F8: variants seen among roughly 807,000 people sequenced by gnomAD.
F8 encodes coagulation factor VIII.
Under a neutral mutation model 140.6 loss-of-function variants are expected in F8, and 12 were observed. That is an observed-to-expected ratio of 0.09 (90% confidence interval 0.05 to 0.14). F8 has a LOEUF of 0.14. F8 is among the 10% of genes least tolerant of loss of function. The pLI is 1.00. For synonymous variants in F8, 585 were observed against 614.6 expected (o/e 0.95, Z 0.71); for missense variants, 1,354 against 1,720.7 (o/e 0.79, Z 3.77).
At chrX:154,843,599 A>G (rs2072539908) in intron 25 of F8, among the ~76,000 whole-genome samples, 1 of 112,274 alleles carries the variant, frequency 8.9e-6, no homozygotes, top group Non-Finnish European at 1.9e-5. Flanking sequence ...TCTTCTTTTG[A>G]GAAGTGTCTG....
chrX:154,872,646 A>G (rs1329550204), intron 22 of F8, among the ~76,000 whole-genome samples: 1 of 111,477 alleles, frequency 9.0e-6, no homozygotes, highest in African/African-American at 3.3e-5. Flanking sequence ...GTGTATACCT[A>G]TGTAACAAAA....
At chrX:155,001,626 T>C (rs2073647096) in intron 1 of F8, among the ~76,000 whole-genome samples, 1 of 111,506 alleles carries the variant, frequency 9.0e-6, no homozygotes, top group Admixed American at 9.4e-5. Flanking sequence ...TAGCATTAAA[T>C]ATTCTGGCCA....
intron 14 of F8, among the ~76,000 whole-genome samples, chrX:154,927,488 T>A (rs2073167236): frequency 1.8e-5 from 2 of 111,620 alleles, no homozygotes; most frequent in Admixed American, 9.5e-5. Flanking sequence ...GCAGGCAGAG[T>A]ATATGGGTAC....
rs1557270874 is a variant in F8 at position 154,836,384 on chromosome X, T to A, written c.*1213A>T. ...GGCAGATGGAAGGAGCAGTAAACCC[T>A]TCACAATCTTATGGGGGTGGAGGGC... is the stretch of plus-strand genomic sequence containing the variant. On this transcript the variant is annotated 3_prime_UTR_variant, in exon 26 of 26. Coordinates refer to ENST00000360256, the MANE Select transcript of F8 (RefSeq NM_000132.4). 1 of 111,266 alleles carries A rather than the reference T, an allele frequency of 9.0e-6. No individual in the cohort carries two copies. Among genetic ancestry groups the A allele is most frequent in the Non-Finnish European group, 1.9e-5 (1 of 53,071 alleles). 9.2% of individuals were successfully genotyped at this position (111,266 alleles called of 1,213,427 possible).
chrX:155,012,330 G>A (rs2073709812), intron 1 of F8, among the ~76,000 whole-genome samples: 1 of 111,525 alleles, frequency 9.0e-6, no homozygotes, highest in Admixed American at 9.5e-5. Context: ...CTTTTTTTGA[G>A]ACAGAGCCTT....
rs184910888 is a variant in F8, at chrX:154,971,251, T to G, written c.788-1699A>C. ...CAATATTGCTTAATTATATCGCCAG[T>G]CTAATTCCCATTCTTTTGTATGCGT... On this transcript the variant is annotated intron_variant, in intron 6 of 25. Transcript: ENST00000360256. 2.5e-3 allele frequency among the ~76,000 whole-genome samples: 276 copies of G among 112,157 alleles called. 1 individual carries two copies. Among genetic ancestry groups the G allele is most frequent in the African/African-American group, 8.7e-3 (268 of 30,943 alleles).
intron 1 of F8, among the ~76,000 whole-genome samples, chrX:155,012,002 T>C (rs1310875158): frequency 1.8e-5 from 2 of 111,977 alleles, no homozygotes; most frequent in African/African-American, 6.5e-5. Flanking sequence ...GGAAGAAAAT[T>C]AGAAGTGACT....
chrX:154,850,671 G>A (rs4898398), intron 25 of F8, among the ~76,000 whole-genome samples: 12,963 of 109,877 alleles, frequency 0.12, 698 homozygotes, highest in South Asian at 0.35. Context: ...ATATCTTCAT[G>A]TGGTCGTCCC....
chrX:155,016,002 C>T (rs1473163709), intron 1 of F8, among the ~76,000 whole-genome samples: 2 of 111,685 alleles, frequency 1.8e-5, no homozygotes, highest in Admixed American at 9.4e-5. Flanking sequence ...TTTGGGAGGC[C>T]GAGGCGGGTG....
chrX:154,923,008 T>C (rs1182995078), intron 14 of F8, among the ~76,000 whole-genome samples: 1 of 111,565 alleles, frequency 9.0e-6, no homozygotes, highest in Admixed American at 9.5e-5. Context: ...AGGCTTTGTA[T>C]CAACTCTCAT....
At chrX:154,870,690 T>G (rs2072767447) in intron 22 of F8, among the ~76,000 whole-genome samples, 1 of 111,774 alleles carries the variant, frequency 8.9e-6, no homozygotes, top group Admixed American at 9.5e-5. Context: ...TTGGAAGTTC[T>G]GGCCAGGGCA....
At position 154,930,084 on chromosome X, in the gene F8, C is replaced by T; in HGVS notation, c.3706G>A (p.Val1236Met). ...ENVVLPQIHTVTGTKNFMKNL... is the reference protein window; with the variant it reads ...ENVVLPQIHTMTGTKNFMKNL... ...TTCATGAAATTCTTAGTGCCAGTCACTGTATGTATCTGAGGCAAAACTACA... is the reference window on the plus strand; with the variant it reads ...TTCATGAAATTCTTAGTGCCAGTCATTGTATGTATCTGAGGCAAAACTACA... The change falls in exon 14 of 26, where the codon GTG (valine) becomes ATG (methionine). Residue 1236 changes from valine to methionine, a missense_variant. Coordinates refer to ENST00000360256, the MANE Select transcript of F8 (RefSeq NM_000132.4). 1 of 1,210,797 alleles carries T rather than the reference C, an allele frequency of 8.3e-7. No individual in the cohort carries two copies. The highest frequency in any genetic ancestry group is 1.1e-6 in the Non-Finnish European group (1 of 895,128).
In F8 at chrX:154,992,732, C is replaced by T. The variant is rs139962104; in HGVS notation, c.601+204G>A. 2.8e-3 allele frequency among the ~76,000 whole-genome samples: 317 copies of T among 112,505 alleles called. 1 individual carries two copies. Among genetic ancestry groups the T allele is most frequent in the African/African-American group, 9.9e-3 (306 of 31,006 alleles). ...ATTCTGGAACTCAGCTCCTCCTGAT[C>T]CCAGCTTAGAGTTTATTGTGGTTAT... is the stretch of plus-strand genomic sequence containing the variant. On this transcript the variant is annotated intron_variant, in intron 4 of 25. Transcript: ENST00000360256.
intron 2 of F8, among the ~76,000 whole-genome samples, chrX:154,998,800 CT>C (rs1312462954): frequency 8.9e-6 from 1 of 111,819 alleles, no homozygotes; most frequent in Non-Finnish European, 1.9e-5. Flanking sequence ...CCCACTCCCC[CT>C]GCTATTCCAT....
rs137852463 is a variant in F8 at position 154,863,139 on chromosome X, G to C, written c.6518C>G (p.Thr2173Ser). The C allele has an allele frequency of 8.3e-7, 1 of 1,208,886 alleles. No homozygotes were observed. Among genetic ancestry groups the C allele is most frequent in the Admixed American group, 2.2e-5 (1 of 45,796 alleles). The change falls in exon 23 of 26, where the codon ACT (threonine) becomes AGT (serine). Residue 2173 changes from threonine (T) to serine (S), a missense_variant. This residue lies in a region of F8 where 316 missense variants were observed against 485.4 expected (regional missense o/e 0.65). Transcript: ENST00000360256. ...AAGAGTGCTGCGAATGCTATAATGAGTTGGGTGCAAACGGATGTATCGAGC... is the reference window on the plus strand; with the variant it reads ...AAGAGTGCTGCGAATGCTATAATGACTTGGGTGCAAACGGATGTATCGAGC... ...IIARYIRLHP[T>S]HYSIRSTLRM...
At chrX:154,953,857 C>T in intron 12 of F8, 35 bp downstream of exon 12, 2 of 1,208,410 alleles carry the variant, frequency 1.7e-6, no homozygotes, top group Non-Finnish European at 2.2e-6. Context: ...TTTCTTTATT[C>T]ACCACCCACT....
chrX:154,989,430 T>C (rs1348472551), intron 4 of F8, among the ~76,000 whole-genome samples: 2 of 111,390 alleles, frequency 1.8e-5, no homozygotes, highest in South Asian at 3.8e-4. Flanking sequence ...CAGAGACTGT[T>C]TCTCTACCAA....
rs375887989 is a variant in F8, at chrX:155,022,502, G to A, written c.51C>T (p.Cys17=). ...TCFFLCLLRF[C]FSATRRYYLG... Reference sequence around the variant, plus strand: ...GGTAGTATCTTCTGGTGGCACTAAAGCAGAATCGCAAAAGGCACAGAAAGA... The same window carrying A: ...GGTAGTATCTTCTGGTGGCACTAAAACAGAATCGCAAAAGGCACAGAAAGA... Residue 17 remains cysteine, a synonymous_variant, in exon 1 of 26, where the codon TGC becomes TGT. Coordinates refer to ENST00000360256, the MANE Select transcript of F8 (RefSeq NM_000132.4). 2.0e-5 allele frequency: 24 copies of A among 1,209,354 alleles called. No individual in the cohort carries two copies. The highest frequency in any genetic ancestry group is 2.3e-5 in the Non-Finnish European group (21 of 894,904).
At chrX:154,940,781 C>A (rs1424692326) in intron 13 of F8, among the ~76,000 whole-genome samples, 1 of 111,931 alleles carries the variant, frequency 8.9e-6, no homozygotes, top group East Asian at 2.8e-4. Context: ...TCGGGTTACC[C>A]ACAAAGGGAA....
Sources: gnomAD v4.1 joint callset for allele counts (sites outside exome capture counted in the v4.1 genomes callset) on GRCh38, gnomAD v4.1.1 for gene constraint, gnomAD v4.1.1 regional missense constraint, MANE v1.5 for transcripts, NCBI Gene and HGNC (gene_info 2026-07-23, HGNC 2026-07-21) for gene names.